Variants in ARHGAP28 observed in about 807,000 individuals in gnomAD.
ARHGAP28 encodes the protein Rho GTPase activating protein 28.
In ARHGAP28, 56 loss-of-function variants were observed where a neutral mutation model predicts 90.7. That is an observed-to-expected ratio of 0.62 (90% CI 0.50 to 0.77). ARHGAP28 has a LOEUF of 0.77. Ranked by LOEUF, ARHGAP28 falls within the 30% of genes least tolerant of loss-of-function variation. The probability of loss-of-function intolerance (pLI) is 0.00; values close to 1 mark genes in which losing one functional copy is unlikely to be tolerated. For synonymous variants in ARHGAP28, 308 were observed against 323.3 expected, an observed-to-expected ratio of 0.95 and a Z score of 0.51; for missense variants, 869 against 900.9, an observed-to-expected ratio of 0.96 and a Z score of 0.45.
intron 1 of ARHGAP28, among the ~76,000 whole-genome samples, chr18:6,756,725 A>G (rs908908696): frequency 2.0e-5 from 3 of 152,170 alleles, no homozygotes; most frequent in African/African-American, 7.2e-5. Context: ...AAAAGTAGGG[A>G]AGCCGACAGT....
chr18:6,890,189 GA>G, intron 13 of ARHGAP28, 104 bp downstream of exon 13: 3 of 1,326,080 alleles, frequency 2.3e-6, no homozygotes, highest in Middle Eastern at 3.7e-4. Context: ...GAAGAAATAT[GA>G]GAAGATAACC....
Position 6,824,773 on chromosome 18 carries a change from C to T in ARHGAP28, c.134C>T (p.Pro45Leu). 1 of 1,534,634 alleles carries T rather than the reference C, an allele frequency of 6.5e-7. No individual in the cohort carries two copies. Among genetic ancestry groups the T allele is most frequent in the Admixed American group, 2.0e-5 (1 of 50,630 alleles). The stretch of plus-strand genomic sequence containing the variant: ...TATTCTTTCCTCAGAAAATCCATTC[C>T]TCGCTGCCGAAGAATTAACAGGATG... ...ASHPLSRKSI[P>L]RCRRINRMLS... The change falls in exon 2 of 18, where the codon CCT becomes CTT. Residue 45 changes from proline (P) to leucine (L), a missense_variant. Coordinates refer to ENST00000383472, the MANE Select transcript of ARHGAP28 (RefSeq NM_001366230.1).
chr18:6,836,446 T>G (rs1356509036), intron 2 of ARHGAP28, among the ~76,000 whole-genome samples: 1 of 152,106 alleles, frequency 6.6e-6, no homozygotes, highest in Non-Finnish European at 1.5e-5. Context: ...GGAGTCGCTC[T>G]GTGACTGAGA....
intron 3 of ARHGAP28, among the ~76,000 whole-genome samples, chr18:6,841,187 C>T (rs1286331322): frequency 8.6e-5 from 5 of 57,906 alleles, no homozygotes; most frequent in African/African-American, 1.9e-4. Flanking sequence ...TCTCCTCTCT[C>T]TCTCTCTCTC....
chr18:6,831,481 T>TTTTTC (rs2056715467), intron 2 of ARHGAP28, among the ~76,000 whole-genome samples: 5 of 146,918 alleles, frequency 3.4e-5, no homozygotes, highest in Admixed American at 6.7e-5. Context: ...GTTTTTTTTT[T>TTTTTC]TTTTTTCTTT....
intron 1 of ARHGAP28, among the ~76,000 whole-genome samples, chr18:6,778,477 A>T (rs1312180870): frequency 6.6e-6 from 1 of 152,186 alleles, no homozygotes; most frequent in Non-Finnish European, 1.5e-5. Context: ...CAAGTACCTT[A>T]TGGGAAAATA....
intron 1 of ARHGAP28, among the ~76,000 whole-genome samples, chr18:6,817,392 C>A (rs1053026075): frequency 6.6e-6 from 1 of 151,898 alleles, no homozygotes; most frequent in Non-Finnish European, 1.5e-5. Flanking sequence ...ACCTTCCTTA[C>A]GAGGCAGGTT....
At chr18:6,875,694 G>C (rs1241983) in intron 9 of ARHGAP28, among the ~76,000 whole-genome samples, 1 of 151,870 alleles carries the variant, frequency 6.6e-6, no homozygotes, top group African/African-American at 2.4e-5. Context: ...TCTTTACCCC[G>C]TCTAAACTCC....
chr18:6,876,042 C>T (rs1216500955), intron 9 of ARHGAP28, 89 bp from the exon 10 acceptor site: 1 of 1,075,578 alleles, frequency 9.3e-7, no homozygotes, highest in Admixed American at 1.8e-5. Flanking sequence ...TGCTTGGTAA[C>T]TTATTGATTC....
At chr18:6,883,689 T>A (rs2057197746) in intron 11 of ARHGAP28, among the ~76,000 whole-genome samples, 1 of 152,216 alleles carries the variant, frequency 6.6e-6, no homozygotes, top group Admixed American at 6.5e-5. Flanking sequence ...ATGGCAAAAT[T>A]TGTCCTAAAA....
At chr18:6,736,211 C>T (rs552945225) in intron 1 of ARHGAP28, among the ~76,000 whole-genome samples, 4 of 152,098 alleles carry the variant, frequency 2.6e-5, no homozygotes, top group Middle Eastern at 3.4e-3. Context: ...ATGAAATAGA[C>T]GTCTAGTAGT....
At chr18:6,855,399 C>T (rs2056944811) in intron 4 of ARHGAP28, among the ~76,000 whole-genome samples, 1 of 152,276 alleles carries the variant, frequency 6.6e-6, no homozygotes, top group South Asian at 2.1e-4. Flanking sequence ...TCAGGGACTA[C>T]CAATTGTGGG....
chr18:6,857,456 AT>A (rs1235697931), intron 4 of ARHGAP28, among the ~76,000 whole-genome samples: 1 of 152,226 alleles, frequency 6.6e-6, no homozygotes, highest in Non-Finnish European at 1.5e-5. Flanking sequence ...AGCTTTTGGA[AT>A]GTGTGGCAAT....
chr18:6,906,611 A>C (rs1157517465), intron 16 of ARHGAP28, among the ~76,000 whole-genome samples: 1 of 152,204 alleles, frequency 6.6e-6, no homozygotes, highest in Non-Finnish European at 1.5e-5. Flanking sequence ...TCTAAACCTC[A>C]CACCTATTCA....
intron 9 of ARHGAP28, 23 bp from the exon 10 acceptor site, chr18:6,876,108 G>A (rs766212247): frequency 1.3e-6 from 2 of 1,573,506 alleles, no homozygotes; most frequent in South Asian, 1.1e-5. Context: ...TACTTATTCT[G>A]GTAATATATC....
intron 1 of ARHGAP28, among the ~76,000 whole-genome samples, chr18:6,779,758 C>T (rs779090592): frequency 2.0e-5 from 3 of 152,180 alleles, no homozygotes; most frequent in Non-Finnish European, 4.4e-5. Flanking sequence ...TGGTACAAAT[C>T]CATTTGTCAA....
At chr18:6,903,155 A>G (rs2057346545) in intron 16 of ARHGAP28, among the ~76,000 whole-genome samples, 1 of 152,166 alleles carries the variant, frequency 6.6e-6, no homozygotes, top group South Asian at 2.1e-4. Context: ...GAAGGGGAAA[A>G]TGGGGAATTA....
chr18:6,782,584 A>ATTTTTTTTTT, intron 1 of ARHGAP28, among the ~76,000 whole-genome samples: 1 of 71,284 alleles, frequency 1.4e-5, no homozygotes, highest in Admixed American at 1.7e-4. Context: ...CGCCCAGCTA[A>ATTTTTTTTTT]TTTTTGTATT....
intron 1 of ARHGAP28, among the ~76,000 whole-genome samples, chr18:6,760,804 G>A (rs2143328852): frequency 1.3e-5 from 2 of 152,262 alleles, no homozygotes; most frequent in Admixed American, 1.3e-4. Flanking sequence ...CAGTTAGTCT[G>A]GGTCAGTGAC....
Sources: gnomAD v4.1 joint callset for allele counts (sites outside exome capture counted in the v4.1 genomes callset) on GRCh38, gnomAD v4.1.1 for gene constraint, MANE v1.5 for transcripts, NCBI Gene and HGNC (gene_info 2026-07-23, HGNC 2026-07-21) for gene names.